The following ALOX5 variants were observed in gnomAD, a reference collection of about 807,000 sequenced individuals.
ALOX5 encodes the protein arachidonate 5-lipoxygenase.
In ALOX5, 64 loss-of-function variants were observed where a neutral mutation model predicts 87.9. That is an observed-to-expected ratio of 0.73 (90% CI 0.60 to 0.90). The LOEUF is 0.90. Among genes scored for constraint, ALOX5 ranks in the 40% least tolerant of loss-of-function variants. The pLI, the probability that ALOX5 is intolerant of heterozygous loss-of-function variation, is 0.00. For synonymous variants in ALOX5, 388 were observed against 355.1 expected (o/e 1.09, Z -1.04); for missense variants, 822 against 907.5 (o/e 0.91, Z 1.21).
chr10:45,389,278 T>A (rs1259530181), intron 2 of ALOX5, among the ~76,000 whole-genome samples: 1 of 152,186 alleles, frequency 6.6e-6, no homozygotes, highest in Non-Finnish European at 1.5e-5. Flanking sequence ...TGCAGGATAT[T>A]ATGCAGGAGA....
At chr10:45,396,726 C>T (rs908099233) in intron 3 of ALOX5, among the ~76,000 whole-genome samples, 2 of 152,208 alleles carry the variant, frequency 1.3e-5, no homozygotes, top group African/African-American at 4.8e-5. Context: ...TTCATTGTCT[C>T]ATACCCATAT....
chr10:45,396,472 C>A (rs1219341376), intron 3 of ALOX5, among the ~76,000 whole-genome samples: 1 of 152,110 alleles, frequency 6.6e-6, no homozygotes, highest in East Asian at 1.9e-4. Context: ...TGCATGCCAA[C>A]AAACTAGTTA....
chr10:45,438,937 C>T (rs1205250566), intron 7 of ALOX5, among the ~76,000 whole-genome samples: 2 of 152,172 alleles, frequency 1.3e-5, no homozygotes, highest in African/African-American at 2.4e-5. Flanking sequence ...GTCTCTCTGA[C>T]CAGGGTGGAG....
intron 4 of ALOX5, among the ~76,000 whole-genome samples, chr10:45,418,928 G>A (rs543060850): frequency 1.3e-5 from 2 of 152,356 alleles, no homozygotes; most frequent in African/African-American, 2.4e-5. Context: ...GCAGAAATGC[G>A]GCCGGTCCTG....
At chr10:45,407,084 T>C (rs1351818542) in intron 3 of ALOX5, among the ~76,000 whole-genome samples, 1 of 152,204 alleles carries the variant, frequency 6.6e-6, no homozygotes, top group Non-Finnish European at 1.5e-5. Flanking sequence ...GAGTCTGTGC[T>C]TGTCGTCCTG....
rs185499901 is a variant in ALOX5 at position 45,392,547 on chromosome 10, A to G, written c.350-3308A>G. Among the ~76,000 whole-genome samples, 1,405 of 152,054 alleles carry G rather than the reference A, an allele frequency of 9.2e-3. 10 individuals are homozygous for G. The highest frequency in any genetic ancestry group is 0.014 in the Non-Finnish European group (954 of 68,000). On this transcript the variant is annotated intron_variant, in intron 2 of 13. Coordinates refer to ENST00000374391, the MANE Select transcript of ALOX5 (RefSeq NM_000698.5). ...GAGTCATCACCACTCCCTAATCTCA[A>G]GTACCCAGGGACACAAACACTGCGG...
intron 2 of ALOX5, among the ~76,000 whole-genome samples, chr10:45,391,206 C>T (rs1216444947): frequency 6.6e-6 from 1 of 152,018 alleles, no homozygotes; most frequent in Non-Finnish European, 1.5e-5. Context: ...GATTCTCCTG[C>T]CTCAGCCTGC....
At chr10:45,415,310 T>C (rs1841237256) in intron 4 of ALOX5, among the ~76,000 whole-genome samples, 1 of 152,146 alleles carries the variant, frequency 6.6e-6, no homozygotes, top group African/African-American at 2.4e-5. Flanking sequence ...CTGGAAACCA[T>C]TATTCTCAGC....
chr10:45,382,400 C>A, intron 1 of ALOX5, 83 bp from the exon 2 acceptor site: 2 of 1,468,106 alleles, frequency 1.4e-6, no homozygotes, highest in South Asian at 2.3e-5. Context: ...CAGCAGCATA[C>A]CTTGGGGTGA....
In ALOX5 at chr10:45,425,113, G is replaced by T. The variant is rs376649785; in HGVS notation, c.815G>T (p.Ser272Ile). ...MVECSLERQL[S>I]LEQEVQQGNI... ...GAGTGCAGCCTGGAGCGGCAGCTCA[G>T]CTTGGAGCAGGAGGTCCAGGTAGGG... is the stretch of plus-strand genomic sequence containing the variant. Residue 272 changes from serine to isoleucine, a missense_variant, in exon 6 of 14, where the codon AGC (serine) becomes ATC (isoleucine). Transcript: ENST00000374391. The surrounding 1 kb of genome is among the most constrained non-coding windows in gnomAD (Gnocchi z 4.4). 39 of 1,613,722 alleles carry T rather than the reference G, an allele frequency of 2.4e-5. No homozygotes were observed. The highest frequency in any genetic ancestry group is 3.1e-5 in the Non-Finnish European group (37 of 1,179,988).
Position 45,445,589 on chromosome 10 carries a change from G to A in ALOX5, c.1927G>A (p.Glu643Lys), listed in dbSNP as rs1378362151. The change falls in exon 14 of 14, where the codon GAG becomes AAG. Residue 643 changes from glutamate to lysine, a missense_variant. Transcript: ENST00000374391. ...CATGGCCCGATTCCGCAAGAACCTC[G>A]AGGCCATTGTCAGCGTGATTGCTGA... is the stretch of plus-strand genomic sequence containing the variant. The part of the protein sequence containing the change: ...EAMARFRKNL[E>K]AIVSVIAERN... 6.2e-7 allele frequency: 1 copy of A among 1,614,006 alleles called. No homozygotes were observed. The highest frequency in any genetic ancestry group is 8.5e-7 in the Non-Finnish European group (1 of 1,180,028).
chr10:45,432,343 G>C (rs1343035711), intron 7 of ALOX5, among the ~76,000 whole-genome samples: 26 of 146,340 alleles, frequency 1.8e-4, no homozygotes, highest in African/African-American at 5.8e-4. Context: ...CTGGGCAACA[G>C]AGTAAGACCC....
At chr10:45,419,584 GGAT>G (rs1841429946) in intron 4 of ALOX5, among the ~76,000 whole-genome samples, 1 of 152,248 alleles carries the variant, frequency 6.6e-6, no homozygotes, top group Non-Finnish European at 1.5e-5. Flanking sequence ...TCCTGAAGGG[GGAT>G]GATCGGTAGG....
intron 3 of ALOX5, among the ~76,000 whole-genome samples, chr10:45,402,066 G>A (rs1282817430): frequency 1.4e-4 from 17 of 122,414 alleles, no homozygotes; most frequent in African/African-American, 3.6e-4. Flanking sequence ...CAGCCTGGGC[G>A]ACAGAGCGAG....
intron 2 of ALOX5, among the ~76,000 whole-genome samples, chr10:45,388,355 C>T (rs1184010154): frequency 6.6e-6 from 1 of 152,204 alleles, no homozygotes; most frequent in Non-Finnish European, 1.5e-5. Context: ...GTTCACCCAA[C>T]ATGGAATTTG....
At chr10:45,376,093 G>GTGT (rs1372756389) in intron 1 of ALOX5, among the ~76,000 whole-genome samples, 2 of 152,196 alleles carry the variant, frequency 1.3e-5, no homozygotes, top group Non-Finnish European at 2.9e-5. Flanking sequence ...CGGGCACCCC[G>GTGT]TGTGTGCTTT....
At chr10:45,381,714 GC>G (rs1043134412) in intron 1 of ALOX5, among the ~76,000 whole-genome samples, 1 of 152,254 alleles carries the variant, frequency 6.6e-6, no homozygotes, top group Non-Finnish European at 1.5e-5. Context: ...AGCAGGCGTT[GC>G]CCTCTGAGCA....
intron 4 of ALOX5, 132 bp from the exon 5 acceptor site, chr10:45,423,909 C>A: frequency 1.4e-6 from 1 of 708,688 alleles, no homozygotes; most frequent in Non-Finnish European, 2.5e-6. Context: ...TCTGAAAAGC[C>A]AGTCACCTAC....
intron 10 of ALOX5, 48 bp from the exon 11 acceptor site, chr10:45,443,368 C>G (rs921142800): frequency 6.3e-7 from 1 of 1,596,442 alleles, no homozygotes; most frequent in Non-Finnish European, 8.5e-7. Flanking sequence ...GGGCACCGCT[C>G]CGCAGACCTG....
Sources: gnomAD v4.1 joint callset for allele counts (sites outside exome capture counted in the v4.1 genomes callset) on GRCh38, gnomAD v4.1.1 for gene constraint, Gnocchi (gnomAD v3.1) non-coding constraint, MANE v1.5 for transcripts, NCBI Gene and HGNC (gene_info 2026-07-23, HGNC 2026-07-21) for gene names.